Variants in FRMD8 observed in about 807,000 individuals in gnomAD.
FRMD8 encodes the protein FERM domain-containing protein 8.
FRMD8 carries 37 observed loss-of-function variants against 54.2 expected under a neutral mutation model. The observed-to-expected ratio is 0.68, with a 90% CI of 0.53 to 0.90. FRMD8 has a LOEUF of 0.90. Ranked by LOEUF, FRMD8 falls within the 40% of genes least tolerant of loss-of-function variation. FRMD8 has a pLI of 0.00. For missense variants in FRMD8, 585 were observed against 653.7 expected, an observed-to-expected ratio of 0.89 and a Z score of 1.15; for synonymous variants, 246 against 286.9, an observed-to-expected ratio of 0.86 and a Z score of 1.44.
chr11:65,393,862 G>C lies in FRMD8; in HGVS notation c.356-179G>C. ...GGTCCCTGAGTGAAGCCCCATTGGG[G>C]GATGGGCTGGGAGCCACCGGGGCAC... On this transcript the variant is annotated intron_variant, in intron 4 of 10. Coordinates refer to ENST00000317568, the MANE Select transcript of FRMD8 (RefSeq NM_031904.5). 3 of 784,064 alleles carry C rather than the reference G, an allele frequency of 3.8e-6. No homozygotes were observed. In the East Asian group the frequency reaches 8.1e-5, roughly 21 times the overall value. 48.6% of individuals were successfully genotyped at this position (784,064 alleles called of 1,614,324 possible).
At chr11:65,388,258 A>G (rs1855772961) in intron 2 of FRMD8, among the ~76,000 whole-genome samples, 1 of 152,008 alleles carries the variant, frequency 6.6e-6, no homozygotes, top group South Asian at 2.1e-4. Context: ...AGGCTGTGGA[A>G]GCTCTCCAGG....
chr11:65,387,015 C>T (rs1369584183), intron 1 of FRMD8, 22 bp from the exon 2 acceptor site: 1 of 1,601,006 alleles, frequency 6.2e-7, no homozygotes. Flanking sequence ...CCGGTAACTG[C>T]TGTTTCTCTT....
In FRMD8 at chr11:65,404,944, G is replaced by T; in HGVS notation, c.1152G>T (p.Ala384=). The part of the protein sequence containing the change: ...AAEPAGPQDS[A]TGSPSDPSSS... ...AGCCCGCAGGCCCCCAGGACAGTGC[G>T]ACTGGCTCGCCCTCGGACCCCAGCT... The change falls in exon 10 of 11, where the codon GCG becomes GCT. Residue 384 remains alanine, a synonymous_variant. Transcript: ENST00000317568. This position sits in a 1 kb window ranked among gnomAD's most constrained non-coding sequence, Gnocchi z 4.7. 1.9e-6 allele frequency: 3 copies of T among 1,613,254 alleles called. No homozygotes were observed. The highest frequency in any genetic ancestry group is 1.7e-6 in the Non-Finnish European group (2 of 1,180,038).
the FRMD8 span, chr11:65,376,942 C>T: frequency 6.2e-7 from 1 of 1,613,276 alleles, no homozygotes; most frequent in Non-Finnish European, 8.5e-7. Context: ...CCCGGGGCCC[C>T]TCCTCCCGGA....
At chr11:65,389,190 C>T (rs1855790056) in intron 2 of FRMD8, among the ~76,000 whole-genome samples, 171 bp from the exon 3 acceptor site, 1 of 152,196 alleles carries the variant, frequency 6.6e-6, no homozygotes, top group Non-Finnish European at 1.5e-5. Context: ...TTTGGGGCTG[C>T]TGGGGCTCTG....
At position 65,394,054 on chromosome 11, in the gene FRMD8, G is replaced by T; in HGVS notation, c.369G>T (p.Leu123=). 6.2e-7 allele frequency: 1 copy of T among 1,614,114 alleles called. No homozygotes were observed. Among genetic ancestry groups the T allele is most frequent in the Non-Finnish European group, 8.5e-7 (1 of 1,179,986 alleles). The part of the protein sequence containing the change: ...DDDVAMDEPF[L]QFRRNVFFPK... ...CTCTCTCCCCAGATGAGCCTTTCCTGCAGTTCCGAAGGAACGTGTTCTTCC... is the reference window on the plus strand; with the variant it reads ...CTCTCTCCCCAGATGAGCCTTTCCTTCAGTTCCGAAGGAACGTGTTCTTCC... The change falls in exon 5 of 11, where the codon CTG becomes CTT. Residue 123 remains leucine, a synonymous_variant. Transcript: ENST00000317568.
upstream of FRMD8, among the ~76,000 whole-genome samples, chr11:65,384,544 A>G (rs1855699792): frequency 2.6e-5 from 4 of 152,106 alleles, no homozygotes; most frequent in Admixed American, 2.6e-4. Context: ...CTGGCACGTA[A>G]ATGGCAACTG....
Position 65,411,405 on chromosome 11 carries a change from C to T in FRMD8, c.*45C>T, listed in dbSNP as rs776897745. The stretch of plus-strand genomic sequence containing the variant: ...AGGAGGGCGACTGGGGGCCCTGGCC[C>T]GGCACTGTCCTCCTGAGGGGCAGGC... On this transcript the variant is annotated 3_prime_UTR_variant, in exon 11 of 11. Transcript: ENST00000317568. 1.5e-4 allele frequency: 193 copies of T among 1,324,782 alleles called. No individual in the cohort carries two copies. Among genetic ancestry groups the T allele is most frequent in the Admixed American group, 1.9e-4 (8 of 42,402 alleles). The allele number at this position is 1,324,782 out of a possible 1,614,324, so 82.1% of individuals were successfully genotyped here.
chr11:65,399,881 G>T, intron 8 of FRMD8, 22 bp downstream of exon 8: 1 of 1,602,904 alleles, frequency 6.2e-7, no homozygotes, highest in Non-Finnish European at 8.5e-7. Context: ...AGCTCCTCCA[G>T]GGTGGAGAGG....
At chr11:65,389,193 G>C (rs971095862) in intron 2 of FRMD8, among the ~76,000 whole-genome samples, 168 bp from the exon 3 acceptor site, 13 of 152,206 alleles carry the variant, frequency 8.5e-5, no homozygotes, top group Admixed American at 7.9e-4. Context: ...GGGGCTGCTG[G>C]GGCTCTGCCT....
intron 7 of FRMD8, 99 bp downstream of exon 7, chr11:65,397,119 C>T (rs1025687916): frequency 2.3e-5 from 15 of 655,998 alleles, no homozygotes; most frequent in Admixed American, 1.9e-4. Flanking sequence ...TCCAGCTGAG[C>T]TGTGTCCCCA....
the FRMD8 span, among the ~76,000 whole-genome samples, chr11:65,371,909 C>T: frequency 6.7e-5 from 10 of 150,322 alleles, no homozygotes; most frequent in South Asian, 8.5e-4. Flanking sequence ...CCACGAAGCC[C>T]GGCTAAATTT....
intron 1 of FRMD8, 61 bp from the exon 2 acceptor site, chr11:65,386,976 G>A: frequency 1.4e-6 from 2 of 1,449,092 alleles, no homozygotes; most frequent in Admixed American, 1.8e-5. Flanking sequence ...GAGAGCTTGA[G>A]GAGACCTCCA....
At chr11:65,377,153 G>C in the FRMD8 span, 1 of 1,518,458 alleles carries the variant, frequency 6.6e-7, no homozygotes, top group East Asian at 2.3e-5. Flanking sequence ...CAAGAGGAAG[G>C]AGGCAGGCAG....
chr11:65,369,036 T>TCAGCAG, the FRMD8 span, among the ~76,000 whole-genome samples: 2 of 152,042 alleles, frequency 1.3e-5, no homozygotes, highest in Non-Finnish European at 2.9e-5. Context: ...GGCGTTGCTC[T>TCAGCAG]CAGCAGCAGC....
chr11:65,386,797 C>T, intron 1 of FRMD8, 36 bp downstream of exon 1: 1 of 547,388 alleles, frequency 1.8e-6, no homozygotes, highest in Non-Finnish European at 3.2e-6. Flanking sequence ...GGGCCTCCGT[C>T]CCCGGCTGGG....
chr11:65,399,650 T>G, intron 7 of FRMD8, 86 bp from the exon 8 acceptor site: 1 of 1,525,464 alleles, frequency 6.6e-7, no homozygotes, highest in African/African-American at 1.4e-5. Context: ...ACAGCAGAAG[T>G]TCCTCAGAGC....
At chr11:65,398,593 C>T (rs1227304407) in intron 7 of FRMD8, among the ~76,000 whole-genome samples, 3 of 152,178 alleles carry the variant, frequency 2.0e-5, no homozygotes, top group Admixed American at 6.5e-5. Context: ...GCCTGGTGGG[C>T]GAGCGTGAGC....
intron 6 of FRMD8, among the ~76,000 whole-genome samples, chr11:65,395,778 C>G (rs1855942188): frequency 6.6e-6 from 1 of 152,200 alleles, no homozygotes; most frequent in South Asian, 2.1e-4. Flanking sequence ...AACCCCTGCA[C>G]CAGTTTTGGT....
Sources: allele counts gnomAD v4.1 joint callset (sites outside exome capture counted in the v4.1 genomes callset), GRCh38; gene constraint gnomAD v4.1.1; non-coding constraint Gnocchi (gnomAD v3.1); transcripts MANE v1.5; gene names NCBI Gene and HGNC (gene_info 2026-07-23, HGNC 2026-07-21).